The following CDH13 variants were observed in gnomAD, a reference collection of about 807,000 sequenced individuals.
CDH13 encodes the protein cadherin-13.
CDH13 carries 24 observed loss-of-function variants against 63.8 expected under a neutral mutation model. That is an observed-to-expected ratio of 0.38 (90% CI 0.27 to 0.53). The LOEUF (loss-of-function observed/expected upper bound fraction) is 0.53, where lower values mean the gene tolerates loss of function less well. Among genes scored for constraint, CDH13 ranks in the 20% least tolerant of loss-of-function variants. The probability of loss-of-function intolerance (pLI) is 0.85; values close to 1 mark genes in which losing one functional copy is unlikely to be tolerated. For synonymous variants in CDH13, 503 were observed against 355.3 expected (o/e 1.42, Z -4.67); for missense variants, 1,049 against 903.1 (o/e 1.16, Z -2.07).
At chr16:83,136,173 T>C (rs1279612847) in intron 4 of CDH13, among the ~76,000 whole-genome samples, 1 of 121,214 alleles carries the variant, frequency 8.2e-6, no homozygotes, top group African/African-American at 3.7e-5. Context: ...CCTATAGAAA[T>C]TAAAAAAAAA....
chr16:82,685,039 G>A (rs2150966276), intron 1 of CDH13, among the ~76,000 whole-genome samples: 1 of 152,370 alleles, frequency 6.6e-6, no homozygotes, highest in East Asian at 1.9e-4. Context: ...AGCAACATGT[G>A]TGTCTGGCCG....
At chr16:83,304,721 G>A (rs952594719) in intron 5 of CDH13, among the ~76,000 whole-genome samples, 2 of 152,090 alleles carry the variant, frequency 1.3e-5, no homozygotes, top group Non-Finnish European at 1.5e-5. Context: ...TATAAGCAAG[G>A]CATTCAGCAG....
intron 7 of CDH13, among the ~76,000 whole-genome samples, chr16:83,525,836 A>G (rs888162386): frequency 3.3e-5 from 5 of 152,206 alleles, no homozygotes; most frequent in African/African-American, 9.6e-5. Flanking sequence ...AACGGGACAG[A>G]TTGCAGCATA....
intron 10 of CDH13, chr16:83,735,606 A>G (rs1013788171): frequency 1.3e-5 from 2 of 152,168 alleles, no homozygotes; most frequent in Non-Finnish European, 2.9e-5. Flanking sequence ...ATAATAAAGT[A>G]TGTGTCTTTC....
chr16:83,160,944 A>C (rs1458336185), intron 4 of CDH13, among the ~76,000 whole-genome samples: 1 of 152,212 alleles, frequency 6.6e-6, no homozygotes, highest in Admixed American at 6.5e-5. Context: ...CAATGCTGGA[A>C]GCTTTCCTGT....
In CDH13 at chr16:83,670,892, A is replaced by G. The variant is rs776698025; in HGVS notation, c.1204A>G (p.Ile402Val). The change falls in exon 9 of 14, where the codon ATC becomes GTC. Residue 402 changes from isoleucine (I) to valine (V), a missense_variant. By Grantham distance (29) the Ile-to-Val change is conservative. Coordinates refer to ENST00000567109, the MANE Select transcript of CDH13 (RefSeq NM_001257.5). ...AGGTGCATGGAGGGCTGCCTACACC[A>G]TCATCAACGGAAACCCCGGGCAGAG... is the stretch of plus-strand genomic sequence containing the variant. ...TTGAWRAAYT[I>V]INGNPGQSFE... is the part of the protein sequence containing the mutation. The G allele has an allele frequency of 6.2e-7, 1 of 1,613,578 alleles. No homozygotes were observed. The highest frequency in any genetic ancestry group is 8.5e-7 in the Non-Finnish European group (1 of 1,179,606).
At chr16:83,178,380 A>C (rs776319326) in intron 4 of CDH13, among the ~76,000 whole-genome samples, 1 of 152,212 alleles carries the variant, frequency 6.6e-6, no homozygotes, top group Non-Finnish European at 1.5e-5. Context: ...CCACTGATTT[A>C]GATCCTGTCT....
chr16:82,869,491 T>C (rs2040269646), intron 2 of CDH13, among the ~76,000 whole-genome samples: 1 of 152,074 alleles, frequency 6.6e-6, no homozygotes, highest in African/African-American at 2.4e-5. Context: ...AATTCTAAAA[T>C]TTATACAGAA....
intron 1 of CDH13, among the ~76,000 whole-genome samples, chr16:82,818,069 T>C (rs2037811286): frequency 6.6e-6 from 1 of 151,788 alleles, no homozygotes; most frequent in African/African-American, 2.4e-5. Context: ...ATACGCACAA[T>C]GCACACATGT....
chr16:83,678,723 G>T (rs144831301), intron 10 of CDH13, among the ~76,000 whole-genome samples: 1 of 152,126 alleles, frequency 6.6e-6, no homozygotes, highest in African/African-American at 2.4e-5. Flanking sequence ...ATGACCAGCC[G>T]GGTCTGCTGG....
intron 4 of CDH13, among the ~76,000 whole-genome samples, chr16:83,149,741 T>A (rs967000581): frequency 2.0e-5 from 3 of 152,180 alleles, no homozygotes; most frequent in Admixed American, 6.5e-5. Flanking sequence ...TTGGAAGCAC[T>A]GGGGTGCTGG....
At chr16:83,649,450 G>A (rs1017618561) in intron 8 of CDH13, among the ~76,000 whole-genome samples, 8 of 152,112 alleles carry the variant, frequency 5.3e-5, no homozygotes, top group Non-Finnish European at 1.0e-4. Context: ...AGGGTGGTTG[G>A]GCTCAGAGCT....
chr16:83,606,257 T>C (rs998793370), intron 8 of CDH13, among the ~76,000 whole-genome samples: 1 of 152,206 alleles, frequency 6.6e-6, no homozygotes, highest in Non-Finnish European at 1.5e-5. Flanking sequence ...TTGATAAGAA[T>C]ACATGGTTTT....
At chr16:82,670,743 C>G (rs115338554) in intron 1 of CDH13, among the ~76,000 whole-genome samples, 1 of 152,162 alleles carries the variant, frequency 6.6e-6, no homozygotes. Flanking sequence ...ATCGTCTCTT[C>G]TAGTAGTCAT....
intron 13 of CDH13, among the ~76,000 whole-genome samples, chr16:83,794,127 T>C (rs774621028): frequency 1.3e-5 from 2 of 152,206 alleles, no homozygotes; most frequent in Non-Finnish European, 1.5e-5. Context: ...GAGCACAGCC[T>C]GGTCAACACT....
At chr16:83,020,144 T>C (rs889569951) in intron 2 of CDH13, among the ~76,000 whole-genome samples, 1 of 152,206 alleles carries the variant, frequency 6.6e-6, no homozygotes, top group Admixed American at 6.5e-5. Context: ...ATGTGGCACA[T>C]GACCGAATTT....
At chr16:83,085,492 G>A (rs1477797963) in intron 3 of CDH13, among the ~76,000 whole-genome samples, 1 of 152,138 alleles carries the variant, frequency 6.6e-6, no homozygotes, top group Non-Finnish European at 1.5e-5. Flanking sequence ...TGTGGAAAGG[G>A]TGAGCCAGCC....
chr16:82,662,028 G>T (rs1295806336), intron 1 of CDH13, among the ~76,000 whole-genome samples: 1 of 152,230 alleles, frequency 6.6e-6, no homozygotes, highest in Non-Finnish European at 1.5e-5. Context: ...TGGTTCTCAT[G>T]TGCAGATGTA....
At chr16:83,217,660 A>G (rs1378443142) in intron 5 of CDH13, among the ~76,000 whole-genome samples, 163 bp downstream of exon 5, 1 of 152,132 alleles carries the variant, frequency 6.6e-6, no homozygotes, top group Non-Finnish European at 1.5e-5. Flanking sequence ...GAACCCTGAC[A>G]GGGCAACAGT....
Sources: allele counts gnomAD v4.1 joint callset (sites outside exome capture counted in the v4.1 genomes callset), GRCh38; gene constraint gnomAD v4.1.1; transcripts MANE v1.5; gene names NCBI Gene and HGNC (gene_info 2026-07-23, HGNC 2026-07-21).